The following MYCBP2 variants were observed in gnomAD, a reference collection of about 807,000 sequenced individuals.
MYCBP2 encodes the protein MYC binding protein 2.
A neutral mutation model predicts 525.3 loss-of-function variants in MYCBP2; 120 were observed. That is an observed-to-expected ratio of 0.23 (90% CI 0.20 to 0.27). The LOEUF (loss-of-function observed/expected upper bound fraction) is 0.27. Among genes scored for constraint, MYCBP2 ranks in the 10% least tolerant of loss-of-function variants. The pLI is 1.00. For missense variants in MYCBP2, 4,149 were observed against 5,657.1 expected (o/e 0.73, Z 8.55); for synonymous variants, 1,894 against 1,955.8 (o/e 0.97, Z 0.83).
At chr13:77,306,888 T>G (rs760600579) in intron 1 of MYCBP2, among the ~76,000 whole-genome samples, 1 of 152,040 alleles carries the variant, frequency 6.6e-6, no homozygotes, top group Non-Finnish European at 1.5e-5. Flanking sequence ...TTCGGAAAGA[T>G]TGCAACAAGA....
At chr13:77,069,309 G>A (rs889332896) in intron 69 of MYCBP2, among the ~76,000 whole-genome samples, 3 of 152,192 alleles carry the variant, frequency 2.0e-5, no homozygotes, top group Admixed American at 1.3e-4. Context: ...GTAGTTCATT[G>A]AAAAGAATAA....
In MYCBP2 at chr13:77,112,325, TTTTA is replaced by T. The variant is rs377606008; in HGVS notation, c.8140+9044_8140+9047del. Among the ~76,000 whole-genome samples, 389 of 146,694 alleles carry T rather than the reference TTTTA, an allele frequency of 2.7e-3. 2 individuals carry two copies. The highest frequency in any genetic ancestry group is 0.011 in the Middle Eastern group (3 of 276). ...TAAAATATATATTTTATATATAATG[TTTTA>T]TTTATATAATATATATTTTATATAT... is the stretch of plus-strand genomic sequence containing the variant. On this transcript the variant is annotated intron_variant, in intron 55 of 82. Transcript: ENST00000544440.
At chr13:77,131,945 T>C (rs967617003) in intron 52 of MYCBP2, among the ~76,000 whole-genome samples, 1 of 151,996 alleles carries the variant, frequency 6.6e-6, no homozygotes, top group Non-Finnish European at 1.5e-5. Context: ...CTCATGCAAA[T>C]AAAAGAAAAA....
At position 77,097,633 on chromosome 13, in the gene MYCBP2, G is replaced by A. The variant is rs1447796698; in HGVS notation, c.9521C>T (p.Thr3174Ile). Residue 3174 changes from threonine (T) to isoleucine (I), a missense_variant, in exon 56 of 83, where the codon ACT becomes ATT. Around this residue, in one of 21 missense-constraint regions of MYCBP2, gnomAD observed 653 missense variants for 744.7 expected, o/e 0.88. Coordinates refer to ENST00000544440, the MANE Select transcript of MYCBP2 (RefSeq NM_015057.5). ...VAFWEDISLATIKAASQNMIF... is the reference protein window; with the variant it reads ...VAFWEDISLAIIKAASQNMIF... ...CATATTCTGGGAAGCAGCTTTGATA[G>A]TAGCCAAAGAGATGTCTTCCCAAAA... 6.2e-7 allele frequency: 1 copy of A among 1,613,608 alleles called. No individual in the cohort carries two copies. The highest frequency in any genetic ancestry group is 1.1e-5 in the South Asian group (1 of 91,066).
In MYCBP2 at chr13:77,326,615, C is replaced by G. The variant is rs1231909085; in HGVS notation, c.161G>C (p.Gly54Ala). Residue 54 changes from glycine to alanine, a missense_variant, in exon 1 of 83, where the codon GGG (glycine) becomes GCG (alanine). By Grantham distance (60) the Gly-to-Ala change is moderately conservative (BLOSUM62 0). Around this residue, in one of 21 missense-constraint regions of MYCBP2, gnomAD observed 413 missense variants for 451.2 expected, o/e 0.92. Transcript: ENST00000544440. The surrounding 1 kb of genome is among the most constrained non-coding windows in gnomAD (Gnocchi z 4.2). The part of the protein sequence containing the change: ...GSVAAAGLGL[G>A]LPAADSRGHY... ...ACCCCGGGAGTCCGCGGCGGGTAGC[C>G]CCAGCCCCAGCCCCGCAGCAGCCAC... The G allele has an allele frequency of 1.3e-6, 2 of 1,565,320 alleles. No individual in the cohort carries two copies. Among genetic ancestry groups the G allele is most frequent in the South Asian group, 2.3e-5 (2 of 86,680 alleles).
chr13:77,080,012 G>C (rs577903934), intron 65 of MYCBP2, among the ~76,000 whole-genome samples: 47 of 152,300 alleles, frequency 3.1e-4, no homozygotes, highest in African/African-American at 1.1e-3. Flanking sequence ...GGGAGAGTAT[G>C]TCCTTGCTTA....
chr13:77,157,048 CA>C (rs991078534), intron 45 of MYCBP2, among the ~76,000 whole-genome samples: 77 of 151,918 alleles, frequency 5.1e-4, no homozygotes, highest in African/African-American at 1.9e-3. Flanking sequence ...CAAAAAGCAA[CA>C]AAAATAATCA....
At chr13:77,154,958 T>A (rs9600823) in intron 46 of MYCBP2, among the ~76,000 whole-genome samples, 10,432 of 152,048 alleles carry the variant, frequency 0.069, 561 homozygotes, top group African/African-American at 0.14. Context: ...TATGTATGTA[T>A]GTGTGTATGT....
intron 24 of MYCBP2, 32 bp downstream of exon 24, chr13:77,206,621 T>G: frequency 6.6e-7 from 1 of 1,512,646 alleles, no homozygotes; most frequent in Non-Finnish European, 8.9e-7. Context: ...CACATTAATG[T>G]GAATTAATGG....
At chr13:77,072,300 G>GAAAAAAA (rs56238720) in intron 68 of MYCBP2, among the ~76,000 whole-genome samples, 3 of 121,188 alleles carry the variant, frequency 2.5e-5, no homozygotes, top group Non-Finnish European at 5.1e-5. Context: ...CAAAAAAAAA[G>GAAAAAAA]AAAAAAAAAA....
intron 15 of MYCBP2, among the ~76,000 whole-genome samples, chr13:77,246,302 T>A (rs2069924818): frequency 6.6e-6 from 1 of 152,120 alleles, no homozygotes; most frequent in African/African-American, 2.4e-5. Context: ...CAGTAAAAAC[T>A]GTGACACAGT....
chr13:77,070,504 C>T, intron 69 of MYCBP2, 127 bp downstream of exon 69: 2 of 564,758 alleles, frequency 3.5e-6, no homozygotes, highest in South Asian at 7.3e-5. Flanking sequence ...TCAAATATGG[C>T]CCAGGGAAGC....
At chr13:77,060,883 A>G (rs776178934) in intron 76 of MYCBP2, among the ~76,000 whole-genome samples, 2 of 152,204 alleles carry the variant, frequency 1.3e-5, no homozygotes, top group South Asian at 4.1e-4. Context: ...ATGGAGCCCC[A>G]TTAGTTGTGA....
intron 45 of MYCBP2, among the ~76,000 whole-genome samples, chr13:77,157,549 C>A (rs1431086137): frequency 6.6e-6 from 1 of 152,052 alleles, no homozygotes; most frequent in Non-Finnish European, 1.5e-5. Flanking sequence ...ATAACTATTC[C>A]AGCCTGGGCA....
intron 4 of MYCBP2, among the ~76,000 whole-genome samples, chr13:77,275,845 A>G (rs911259479): frequency 6.6e-6 from 1 of 152,062 alleles, no homozygotes; most frequent in African/African-American, 2.4e-5. Context: ...TTAGCCGGGC[A>G]TTGTGGAACG....
At position 77,269,983 on chromosome 13, in the gene MYCBP2, GTT is replaced by G; in HGVS notation, c.1260+7_1260+8del. 6.2e-7 allele frequency: 1 copy of G among 1,604,442 alleles called. No homozygotes were observed. On this transcript the variant is annotated splice_region_variant and intron_variant, in intron 7 of 82. Coordinates refer to ENST00000544440, the MANE Select transcript of MYCBP2 (RefSeq NM_015057.5). Reference sequence around the variant, plus strand: ...AGAAAATTTTGGTTTATTGTGGATAGTTTCTTACCTGAGCATACCCTAACCAA... The same window carrying G: ...AGAAAATTTTGGTTTATTGTGGATAGTCTTACCTGAGCATACCCTAACCAA...
chr13:77,113,663 T>C (rs1406614906), intron 55 of MYCBP2, among the ~76,000 whole-genome samples: 1 of 152,110 alleles, frequency 6.6e-6, no homozygotes, highest in Non-Finnish European at 1.5e-5. Context: ...TCTTTGTGGT[T>C]TGAATTCCTA....
At chr13:77,302,283 A>G (rs748224931) in intron 1 of MYCBP2, among the ~76,000 whole-genome samples, 19 of 151,944 alleles carry the variant, frequency 1.3e-4, no homozygotes, top group Non-Finnish European at 2.1e-4. Context: ...AGCAAAGCAT[A>G]AAGAGAAAAT....
intron 40 of MYCBP2, 94 bp downstream of exon 40, chr13:77,168,334 C>G: frequency 4.1e-6 from 4 of 986,566 alleles, no homozygotes; most frequent in Non-Finnish European, 6.1e-6. Context: ...AAAGAAAATA[C>G]ACTTGTAAAT....
Sources: allele counts gnomAD v4.1 joint callset (sites outside exome capture counted in the v4.1 genomes callset), GRCh38; gene constraint gnomAD v4.1.1; regional missense constraint gnomAD v4.1.1; non-coding constraint Gnocchi (gnomAD v3.1); transcripts MANE v1.5; gene names NCBI Gene and HGNC (gene_info 2026-07-23, HGNC 2026-07-21).